FAM184B: variants seen among roughly 807,000 people sequenced by gnomAD.
FAM184B encodes family with sequence similarity 184 member B, also known as protein FAM184B.
A neutral mutation model predicts 135.9 loss-of-function variants in FAM184B; 111 were observed. The observed-to-expected ratio is 0.82, with a 90% CI of 0.70 to 0.96. The LOEUF (loss-of-function observed/expected upper bound fraction) is 0.96. Ranked by LOEUF, FAM184B falls within the 40% of genes least tolerant of loss-of-function variation. FAM184B has a pLI of 0.00. For synonymous variants in FAM184B, 552 were observed against 524.8 expected, an observed-to-expected ratio of 1.05 and a Z score of -0.71; for missense variants, 1,375 against 1,323.9, an observed-to-expected ratio of 1.04 and a Z score of -0.60.
intron 2 of FAM184B, among the ~76,000 whole-genome samples, chr4:17,708,687 A>C (rs1203619899): frequency 2.0e-5 from 1 of 49,868 alleles, no homozygotes; most frequent in African/African-American, 8.6e-5. Context: ...ATATATATAT[A>C]TATATATATA....
At chr4:17,724,844 C>T (rs1023847291) in intron 1 of FAM184B, among the ~76,000 whole-genome samples, 4 of 152,204 alleles carry the variant, frequency 2.6e-5, no homozygotes, top group Admixed American at 2.6e-4. Context: ...GGAATCATTT[C>T]CTCCAGACCA....
chr4:17,702,326 T>C (rs6449330), intron 5 of FAM184B, among the ~76,000 whole-genome samples: 93,033 of 151,940 alleles, frequency 0.61, 29,061 homozygotes, highest in East Asian at 0.93. Context: ...ACCCCTTCCC[T>C]AGGAGTCAGT....
intron 1 of FAM184B, among the ~76,000 whole-genome samples, chr4:17,738,022 A>G (rs1017376090): frequency 1.3e-5 from 2 of 152,182 alleles, no homozygotes; most frequent in Non-Finnish European, 2.9e-5. Flanking sequence ...CCCAGAGAGC[A>G]TAATATTCCA....
Position 17,770,216 on chromosome 4 carries a change from A to G in FAM184B, c.141+10943T>C, listed in dbSNP as rs570288054. ...CCAAGGGAAGCCAGTGGTAGGTTTT[A>G]AACAGACGAATGACATGTTCTGGTT... On this transcript the variant is annotated intron_variant, in intron 1 of 17. Coordinates refer to ENST00000265018, the MANE Select transcript of FAM184B (RefSeq NM_015688.2). Among the ~76,000 whole-genome samples, 6 of 152,364 alleles carry G rather than the reference A, an allele frequency of 3.9e-5. No individual in the cohort carries two copies. In the East Asian group the frequency reaches 9.6e-4, roughly 24 times the overall value.
intron 1 of FAM184B, among the ~76,000 whole-genome samples, chr4:17,714,099 G>A (rs1469511575): frequency 6.6e-6 from 1 of 152,084 alleles, no homozygotes; most frequent in African/African-American, 2.4e-5. Flanking sequence ...TGGGCTGCTC[G>A]ACAGCACTTG....
intron 7 of FAM184B, among the ~76,000 whole-genome samples, chr4:17,686,526 G>A (rs1344499607): frequency 6.6e-6 from 1 of 152,228 alleles, no homozygotes; most frequent in Non-Finnish European, 1.5e-5. Context: ...AGAGAGGAGG[G>A]GATCAGAGCC....
chr4:17,669,825 C>G (rs1337056920), intron 7 of FAM184B, among the ~76,000 whole-genome samples: 1 of 152,158 alleles, frequency 6.6e-6, no homozygotes, highest in Non-Finnish European at 1.5e-5. Flanking sequence ...AAGATTCGAA[C>G]AAGATCAGCA....
chr4:17,718,543 G>T (rs1446471781), intron 1 of FAM184B, among the ~76,000 whole-genome samples: 2 of 152,282 alleles, frequency 1.3e-5, no homozygotes, highest in East Asian at 3.9e-4. Flanking sequence ...CCTTGCCATG[G>T]TCTGTGGATG....
At chr4:17,654,499 A>G (rs1715736282) in intron 10 of FAM184B, among the ~76,000 whole-genome samples, 1 of 152,188 alleles carries the variant, frequency 6.6e-6, no homozygotes, top group African/African-American at 2.4e-5. Flanking sequence ...CCCTGCTGCC[A>G]TATTTTTCAA....
chr4:17,643,842 G>A (rs1471606144), intron 12 of FAM184B, among the ~76,000 whole-genome samples: 4 of 152,178 alleles, frequency 2.6e-5, no homozygotes, highest in Non-Finnish European at 5.9e-5. Flanking sequence ...TGGGGGTGGG[G>A]AGGCGATGAG....
intron 1 of FAM184B, among the ~76,000 whole-genome samples, chr4:17,742,164 ATATATTT>A (rs1483071798): frequency 7.7e-4 from 7 of 9,072 alleles, no homozygotes; most frequent in African/African-American, 1.9e-3. Context: ...ATATATATAT[ATATATTT>A]TTTTTTTTTA....
At chr4:17,659,667 G>A (rs1183500120) in intron 9 of FAM184B, among the ~76,000 whole-genome samples, 1 of 152,026 alleles carries the variant, frequency 6.6e-6, no homozygotes, top group East Asian at 1.9e-4. Flanking sequence ...TGTATTTTTA[G>A]TAGAGATGGG....
intron 1 of FAM184B, among the ~76,000 whole-genome samples, chr4:17,744,062 T>C (rs1456454818): frequency 6.6e-6 from 1 of 152,210 alleles, no homozygotes; most frequent in African/African-American, 2.4e-5. Context: ...CCACCGGCTT[T>C]GACTCCTTCA....
At chr4:17,640,816 G>A (rs1166565699) in intron 13 of FAM184B, among the ~76,000 whole-genome samples, 1 of 152,210 alleles carries the variant, frequency 6.6e-6, no homozygotes, top group Non-Finnish European at 1.5e-5. Flanking sequence ...CAGGATTGAT[G>A]ATAGGTTTTT....
At position 17,681,037 on chromosome 4, in the gene FAM184B, A is replaced by G. The variant is rs1366893972; in HGVS notation, c.1596+7387T>C. 3.3e-5 allele frequency among the ~76,000 whole-genome samples: 5 copies of G among 152,344 alleles called. No individual in the cohort carries two copies. In the East Asian group the frequency reaches 5.8e-4, roughly 18 times the overall value. ...AATAGATACTATAAAGTCAACTTACATTGACAGAATCTTTAACAGTTCTGA... is the reference window on the plus strand; with the variant it reads ...AATAGATACTATAAAGTCAACTTACGTTGACAGAATCTTTAACAGTTCTGA... On this transcript the variant is annotated intron_variant, in intron 7 of 17. Coordinates refer to ENST00000265018, the MANE Select transcript of FAM184B (RefSeq NM_015688.2).
chr4:17,659,766 G>A (rs777130331), intron 9 of FAM184B, among the ~76,000 whole-genome samples, 192 bp downstream of exon 9: 5 of 152,146 alleles, frequency 3.3e-5, no homozygotes, highest in Non-Finnish European at 7.3e-5. Flanking sequence ...GATTACAGGC[G>A]TGAGCCACCG....
intron 2 of FAM184B, among the ~76,000 whole-genome samples, 199 bp downstream of exon 2, chr4:17,708,693 A>AG (rs1717172993): frequency 3.9e-5 from 2 of 51,098 alleles, no homozygotes; most frequent in Non-Finnish European, 6.9e-5. Flanking sequence ...ATATATATAT[A>AG]TATATATATA....
intron 5 of FAM184B, among the ~76,000 whole-genome samples, chr4:17,699,103 A>C (rs1376728907): frequency 2.0e-5 from 3 of 152,154 alleles, no homozygotes; most frequent in Admixed American, 2.0e-4. Flanking sequence ...GCTAAAAATT[A>C]TAATATCTAA....
chr4:17,774,269 G>A (rs1333083178), intron 1 of FAM184B, among the ~76,000 whole-genome samples: 1 of 152,172 alleles, frequency 6.6e-6, no homozygotes, highest in Non-Finnish European at 1.5e-5. Flanking sequence ...TGGGGAGGCT[G>A]AGGTGGGAAG....
Sources: allele counts gnomAD v4.1 joint callset (sites outside exome capture counted in the v4.1 genomes callset), GRCh38; gene constraint gnomAD v4.1.1; transcripts MANE v1.5; gene names NCBI Gene and HGNC (gene_info 2026-07-23, HGNC 2026-07-21).